Variants in LGR4 observed in about 807,000 individuals in gnomAD.
LGR4 encodes leucine rich repeat containing G protein-coupled receptor 4.
LGR4 carries 44 observed loss-of-function variants against 84.8 expected under a neutral mutation model. That is an observed-to-expected ratio of 0.52 (90% CI 0.41 to 0.67). The LOEUF (loss-of-function observed/expected upper bound fraction) is 0.67. LGR4 is among the 30% of genes least tolerant of loss of function. LGR4 has a pLI of 0.00. For synonymous variants in LGR4, 429 were observed against 434.3 expected (o/e 0.99, Z 0.15); for missense variants, 1,032 against 1,131.4 (o/e 0.91, Z 1.26).
At chr11:27,447,372 T>C (rs572555294) in intron 1 of LGR4, among the ~76,000 whole-genome samples, 8 of 152,130 alleles carry the variant, frequency 5.3e-5, no homozygotes, top group East Asian at 1.9e-4. Context: ...TCACTGCTCA[T>C]TATATGCTAA....
chr11:27,449,256 AATTAAAGT>A (rs1224044679), intron 1 of LGR4, among the ~76,000 whole-genome samples: 1 of 149,176 alleles, frequency 6.7e-6, no homozygotes, highest in African/African-American at 2.4e-5. Context: ...GTATCATAAT[AATTAAAGT>A]TTAACAAAAA....
intron 1 of LGR4, among the ~76,000 whole-genome samples, chr11:27,441,192 A>C (rs541708981): frequency 1.3e-5 from 2 of 152,326 alleles, no homozygotes; most frequent in South Asian, 2.1e-4. Flanking sequence ...AGTATCCTCA[A>C]TGCATAGGTG....
intron 1 of LGR4, 30 bp downstream of exon 1, chr11:27,472,088 C>CG (rs1864886396): frequency 7.8e-7 from 1 of 1,284,456 alleles, no homozygotes. Context: ...TTTCCTCCCC[C>CG]CCCCTCGCGT....
At chr11:27,384,303 C>T (rs1216972042) in intron 6 of LGR4, 33 bp downstream of exon 6, 2 of 1,375,892 alleles carry the variant, frequency 1.5e-6, no homozygotes, top group Non-Finnish European at 1.0e-6. Flanking sequence ...TTCAATATCA[C>T]AATGCAGTTG....
intron 1 of LGR4, among the ~76,000 whole-genome samples, chr11:27,419,361 A>G (rs1863880559): frequency 6.6e-6 from 1 of 151,992 alleles, no homozygotes; most frequent in East Asian, 1.9e-4. Flanking sequence ...ACAATGAGAC[A>G]TGATACAACT....
chr11:27,422,332 C>T (rs1487622668), intron 1 of LGR4, among the ~76,000 whole-genome samples: 1 of 152,190 alleles, frequency 6.6e-6, no homozygotes, highest in Admixed American at 6.5e-5. Context: ...ATTACTTCAC[C>T]GTCCTTGCCT....
At chr11:27,428,526 G>A (rs1864063777) in intron 1 of LGR4, among the ~76,000 whole-genome samples, 1 of 152,244 alleles carries the variant, frequency 6.6e-6, no homozygotes, top group African/African-American at 2.4e-5. Flanking sequence ...ACCAACAAAT[G>A]CACAAACATG....
chr11:27,386,508 C>T (rs1863190802), intron 4 of LGR4, among the ~76,000 whole-genome samples: 1 of 152,140 alleles, frequency 6.6e-6, no homozygotes, highest in Non-Finnish European at 1.5e-5. Context: ...ATTCAAAATG[C>T]CTGCATCTTT....
Position 27,467,566 on chromosome 11 carries a change from C to CAAAAAAAAAAAAAAAAAAAAA in LGR4, c.185+4551_185+4552insTTTTTTTTTTTTTTTTTTTTT, listed in dbSNP as rs761925670. Among the ~76,000 whole-genome samples the CAAAAAAAAAAAAAAAAAAAAA allele has an allele frequency of 5.0e-4, 26 of 51,824 alleles. 1 individual carries two copies. Among genetic ancestry groups the CAAAAAAAAAAAAAAAAAAAAA allele is most frequent in the African/African-American group, 1.3e-3 (25 of 19,278 alleles). 34.0% of individuals were successfully genotyped at this position (51,824 alleles called of 152,430 possible). On this transcript the variant is annotated intron_variant, in intron 1 of 17. Transcript: ENST00000379214. Reference sequence around the variant, plus strand: ...TGGGCAACAGCGCAAGAGTCCGTCTCAAAAAAAAAAAAAAAATCAAATTAA... The same window carrying CAAAAAAAAAAAAAAAAAAAAA: ...TGGGCAACAGCGCAAGAGTCCGTCTCAAAAAAAAAAAAAAAAAAAAAAAAAAAAAAAAAAAAATCAAATTAA...
chr11:27,374,170 A>G (rs1862934791), intron 13 of LGR4, 124 bp from the exon 14 acceptor site: 2 of 695,988 alleles, frequency 2.9e-6, no homozygotes, highest in Admixed American at 4.3e-5. Context: ...AAGATCTTCA[A>G]TCTTGGCCAG....
chr11:27,465,284 C>A (rs1864757507), intron 1 of LGR4, among the ~76,000 whole-genome samples: 1 of 152,172 alleles, frequency 6.6e-6, no homozygotes, highest in African/African-American at 2.4e-5. Flanking sequence ...TTTAAATATT[C>A]ATTTCAGGGA....
chr11:27,436,952 T>A (rs916600376), intron 1 of LGR4, among the ~76,000 whole-genome samples: 8 of 152,116 alleles, frequency 5.3e-5, no homozygotes, highest in Admixed American at 4.6e-4. Flanking sequence ...GGGGTGGGAA[T>A]GGCACTAAAA....
chr11:27,400,437 T>A (rs986652024), intron 2 of LGR4, among the ~76,000 whole-genome samples: 1 of 151,848 alleles, frequency 6.6e-6, no homozygotes, highest in African/African-American at 2.4e-5. Context: ...ATCCCAGGAA[T>A]AAAACAATGT....
chr11:27,387,924 C>T (rs192429514), intron 4 of LGR4, among the ~76,000 whole-genome samples: 7 of 152,130 alleles, frequency 4.6e-5, no homozygotes, highest in East Asian at 3.9e-4. Flanking sequence ...TGTATACAAC[C>T]GTTAAACTCT....
intron 1 of LGR4, among the ~76,000 whole-genome samples, chr11:27,418,849 T>C (rs1863870377): frequency 6.8e-6 from 1 of 146,430 alleles, no homozygotes; most frequent in Non-Finnish European, 1.5e-5. Context: ...TTTTTTTTTT[T>C]TGAGACTGGA....
At chr11:27,388,526 CAT>C (rs1863228315) in intron 4 of LGR4, among the ~76,000 whole-genome samples, 1 of 152,110 alleles carries the variant, frequency 6.6e-6, no homozygotes, top group Non-Finnish European at 1.5e-5. Flanking sequence ...CGGTGAATAA[CAT>C]ATTTATTCAC....
At position 27,368,971 on chromosome 11, in the gene LGR4, G is replaced by A; in HGVS notation, c.1752C>T (p.Asn584=). Residue 584 remains asparagine, a synonymous_variant, in exon 18 of 18, where the codon AAC becomes AAT. Transcript: ENST00000379214. ...TGCCAGTATAGATTCCCATGAATAAGTTAGACACAGAAATCAAGCCTATAA... is the reference window on the plus strand; with the variant it reads ...TGCCAGTATAGATTCCCATGAATAAATTAGACACAGAAATCAAGCCTATAA... ...KLFIGLISVS[N]LFMGIYTGIL... is the part of the protein sequence containing the mutation. 1 of 1,614,110 alleles carries A rather than the reference G, an allele frequency of 6.2e-7. No individual in the cohort carries two copies. Among genetic ancestry groups the A allele is most frequent in the Non-Finnish European group, 8.5e-7 (1 of 1,179,982 alleles).
At chr11:27,408,867 C>T (rs141850114) in intron 2 of LGR4, among the ~76,000 whole-genome samples, 127 of 152,140 alleles carry the variant, frequency 8.3e-4, no homozygotes, top group African/African-American at 2.9e-3. Context: ...ATTTCCTTTA[C>T]GGTAGTTCTG....
rs745954285 is a variant in LGR4, at chr11:27,408,096, A to G, written c.257+4693T>C. 3.9e-5 allele frequency among the ~76,000 whole-genome samples: 6 copies of G among 152,148 alleles called. No individual in the cohort carries two copies. In the East Asian group the frequency reaches 7.7e-4, roughly 20 times the overall value. ...TGGATTGAATTACATATATGAATTG[A>G]ATAGCTGTATTTGACATATGTTATG... On this transcript the variant is annotated intron_variant, in intron 2 of 17. Transcript: ENST00000379214.
Sources: gnomAD v4.1 joint callset for allele counts (sites outside exome capture counted in the v4.1 genomes callset) on GRCh38, gnomAD v4.1.1 for gene constraint, MANE v1.5 for transcripts, NCBI Gene and HGNC (gene_info 2026-07-23, HGNC 2026-07-21) for gene names.